Variants in KLHL29 observed in about 807,000 individuals in gnomAD.
The protein encoded by KLHL29 is kelch-like protein 29.
A neutral mutation model predicts 80.4 loss-of-function variants in KLHL29; 21 were observed. The ratio of observed to expected loss-of-function variants is 0.26; its 90% CI spans 0.19 to 0.38. The LOEUF is 0.38. Ranked by LOEUF, KLHL29 falls within the 10% of genes least tolerant of loss-of-function variation. The pLI is 1.00. For missense variants in KLHL29, 867 were observed against 1,223.9 expected, an observed-to-expected ratio of 0.71 and a Z score of 4.35; for synonymous variants, 511 against 526.8, an observed-to-expected ratio of 0.97 and a Z score of 0.41.
chr2:23,515,344 C>T (rs1200050764), intron 2 of KLHL29, among the ~76,000 whole-genome samples: 2 of 152,324 alleles, frequency 1.3e-5, no homozygotes, highest in Non-Finnish European at 2.9e-5. Flanking sequence ...AAGTCCCTTC[C>T]GGTTCCTGAG....
chr2:23,409,036 T>C (rs1666799709), intron 1 of KLHL29, among the ~76,000 whole-genome samples: 1 of 152,098 alleles, frequency 6.6e-6, no homozygotes, highest in Non-Finnish European at 1.5e-5. Context: ...GGGAGCTAGT[T>C]CTGGACACAC....
intron 1 of KLHL29, among the ~76,000 whole-genome samples, chr2:23,448,360 T>C (rs754604660): frequency 6.6e-6 from 1 of 152,218 alleles, no homozygotes; most frequent in Non-Finnish European, 1.5e-5. Context: ...TGACAACCCT[T>C]TGAGGCAGTT....
intron 1 of KLHL29, among the ~76,000 whole-genome samples, chr2:23,425,938 G>A (rs1662993261): frequency 6.6e-6 from 1 of 152,212 alleles, no homozygotes. Flanking sequence ...GGGTGGCCAA[G>A]AGCATGCTGT....
At chr2:23,591,921 TG>T (rs1320464531) in intron 3 of KLHL29, among the ~76,000 whole-genome samples, 5 of 152,240 alleles carry the variant, frequency 3.3e-5, no homozygotes, top group African/African-American at 4.8e-5. Flanking sequence ...TCCAGAAACC[TG>T]GTCCTAACCA....
chr2:23,417,993 T>A (rs1305556468), intron 1 of KLHL29, among the ~76,000 whole-genome samples: 2 of 152,136 alleles, frequency 1.3e-5, no homozygotes. Flanking sequence ...ATCTTTCCCC[T>A]CAGCTAGATT....
intron 3 of KLHL29, among the ~76,000 whole-genome samples, chr2:23,608,724 G>A (rs1335774496): frequency 2.0e-5 from 3 of 152,124 alleles, no homozygotes; most frequent in Non-Finnish European, 2.9e-5. Context: ...ACCCATTGGG[G>A]GAGGCACTGA....
At chr2:23,479,792 T>C (rs1664738244) in intron 2 of KLHL29, among the ~76,000 whole-genome samples, 1 of 152,232 alleles carries the variant, frequency 6.6e-6, no homozygotes, top group Admixed American at 6.5e-5. Context: ...TCCTTTGCCT[T>C]AGGCTGCTCA....
intron 2 of KLHL29, among the ~76,000 whole-genome samples, chr2:23,539,588 C>T (rs1019643807): frequency 2.6e-5 from 4 of 151,820 alleles, no homozygotes; most frequent in African/African-American, 4.8e-5. Flanking sequence ...ACTACAGGTG[C>T]GCACCATCAC....
intron 1 of KLHL29, among the ~76,000 whole-genome samples, chr2:23,396,938 A>G (rs1325454457): frequency 1.3e-5 from 2 of 152,042 alleles, no homozygotes; most frequent in African/African-American, 4.8e-5. Context: ...TGTTTCAGGG[A>G]AGTCGCTTTT....
intron 1 of KLHL29, among the ~76,000 whole-genome samples, chr2:23,393,826 G>A (rs953362144): frequency 8.5e-5 from 13 of 152,180 alleles, no homozygotes; most frequent in Non-Finnish European, 4.4e-5. Context: ...GAGGTTTGGG[G>A]TGTGGGGAGG....
intron 2 of KLHL29, among the ~76,000 whole-genome samples, chr2:23,560,539 G>A (rs1667422579): frequency 6.6e-6 from 1 of 152,166 alleles, no homozygotes; most frequent in African/African-American, 2.4e-5. Context: ...AAAGTGCTAG[G>A]ATTACAGGTG....
chr2:23,434,007 A>C (rs1438260704), intron 1 of KLHL29, among the ~76,000 whole-genome samples: 2 of 152,222 alleles, frequency 1.3e-5, no homozygotes, highest in Admixed American at 1.3e-4. Flanking sequence ...GGGTGTGTGC[A>C]AGTGTGTAGA....
At chr2:23,419,141 G>A (rs561912877) in intron 1 of KLHL29, among the ~76,000 whole-genome samples, 3 of 152,262 alleles carry the variant, frequency 2.0e-5, no homozygotes, top group South Asian at 2.1e-4. Context: ...CAGAAAACTC[G>A]GCTTCCAGAT....
rs1666242332 is a variant in KLHL29, at chr2:23,388,668, A to G, written c.-154+2888A>G. Among the ~76,000 whole-genome samples, 4 of 152,174 alleles carry G rather than the reference A, an allele frequency of 2.6e-5. No homozygotes were observed. The South Asian group carries it at 6.2e-4, about 24-fold the overall frequency. ...TCTTTTATCAATTGATTTGGCTACAAACCATTCCTAGTTTAAAGTATCTCC... is the reference window on the plus strand; with the variant it reads ...TCTTTTATCAATTGATTTGGCTACAGACCATTCCTAGTTTAAAGTATCTCC... On this transcript the variant is annotated intron_variant, in intron 1 of 13. Coordinates refer to ENST00000486442, the MANE Select transcript of KLHL29 (RefSeq NM_052920.2).
chr2:23,407,144 A>G (rs1464511634), intron 1 of KLHL29, among the ~76,000 whole-genome samples: 1 of 152,098 alleles, frequency 6.6e-6, no homozygotes, highest in African/African-American at 2.4e-5. Flanking sequence ...CCTTTTTGCC[A>G]TTTAGATAAT....
intron 1 of KLHL29, among the ~76,000 whole-genome samples, chr2:23,451,387 G>A (rs1325443674): frequency 2.0e-5 from 3 of 152,168 alleles, no homozygotes; most frequent in African/African-American, 7.2e-5. Flanking sequence ...TCTGTTTGGG[G>A]AGCCTTGCTT....
intron 1 of KLHL29, among the ~76,000 whole-genome samples, chr2:23,405,754 G>A (rs760823709): frequency 2.0e-5 from 3 of 152,172 alleles, no homozygotes; most frequent in East Asian, 3.9e-4. Flanking sequence ...CTACAATGCC[G>A]TTGTGAGAGT....
intron 1 of KLHL29, among the ~76,000 whole-genome samples, chr2:23,416,477 C>T (rs949871251): frequency 3.9e-5 from 6 of 152,280 alleles, no homozygotes; most frequent in African/African-American, 1.4e-4. Flanking sequence ...GTGGCAGAAC[C>T]GGGACTCAAG....
chr2:23,524,292 C>T (rs1201725552), intron 2 of KLHL29: 1 of 211,976 alleles, frequency 4.7e-6, no homozygotes, highest in Non-Finnish European at 1.0e-5. Context: ...GAAGAGACTA[C>T]AGAAGCACAG....
Sources: gnomAD v4.1 joint callset for allele counts (sites outside exome capture counted in the v4.1 genomes callset) on GRCh38, gnomAD v4.1.1 for gene constraint, MANE v1.5 for transcripts, NCBI Gene and HGNC (gene_info 2026-07-23, HGNC 2026-07-21) for gene names.